The following SH3PXD2A variants were observed in gnomAD, a reference collection of about 807,000 sequenced individuals.
SH3PXD2A encodes the protein SH3 and PX domains 2A, also known as SH3 and PX domain-containing protein 2A.
In SH3PXD2A, 32 loss-of-function variants were observed where a neutral mutation model predicts 115.2. That is an observed-to-expected ratio of 0.28 (90% confidence interval 0.21 to 0.37). SH3PXD2A has a LOEUF of 0.37. SH3PXD2A is among the 10% of genes least tolerant of loss of function. The probability of loss-of-function intolerance (pLI) is 1.00; values close to 1 mark genes in which losing one functional copy is unlikely to be tolerated. For synonymous variants in SH3PXD2A, 610 were observed against 629.1 expected (o/e 0.97, Z 0.45); for missense variants, 1,328 against 1,498.7 (o/e 0.89, Z 1.88).
At chr10:103,682,542 G>A (rs1157380381) in intron 6 of SH3PXD2A, among the ~76,000 whole-genome samples, 4 of 152,204 alleles carry the variant, frequency 2.6e-5, no homozygotes. Flanking sequence ...TGGATCACAA[G>A]GTCAGGAGTT....
chr10:103,655,773 A>G (rs1487035307), intron 8 of SH3PXD2A, among the ~76,000 whole-genome samples: 2 of 77,090 alleles, frequency 2.6e-5, no homozygotes, highest in African/African-American at 4.8e-5. Context: ...ACCCTGTCTA[A>G]AAAAAAAAAA....
At chr10:103,777,699 C>T (rs773935700) in intron 2 of SH3PXD2A, among the ~76,000 whole-genome samples, 2 of 152,236 alleles carry the variant, frequency 1.3e-5, no homozygotes, top group African/African-American at 4.8e-5. Flanking sequence ...CCAGTGGCCT[C>T]ATTCCACAGA....
At chr10:103,830,689 G>C (rs985009820) in intron 1 of SH3PXD2A, among the ~76,000 whole-genome samples, 1 of 152,080 alleles carries the variant, frequency 6.6e-6, no homozygotes, top group Non-Finnish European at 1.5e-5. Context: ...CCACTTAAAT[G>C]GATCTTATAA....
At chr10:103,684,647 G>A (rs962465972) in intron 6 of SH3PXD2A, among the ~76,000 whole-genome samples, 10 of 152,132 alleles carry the variant, frequency 6.6e-5, no homozygotes, top group South Asian at 2.1e-4. Context: ...CACCACGCCC[G>A]GCCATAGACT....
At position 103,725,863 on chromosome 10, in the gene SH3PXD2A, TAAATAAAATA is replaced by T. The variant is rs1166979298; in HGVS notation, c.307-1512_307-1503del. 3.2e-3 allele frequency among the ~76,000 whole-genome samples: 485 copies of T among 151,414 alleles called. 1 individual carries two copies. The highest frequency in any genetic ancestry group is 5.1e-3 in the Admixed American group (78 of 15,240). On this transcript the variant is annotated intron_variant, in intron 4 of 14. Transcript: ENST00000369774. Reference sequence around the variant, plus strand: ...TAAATAAATAAAATAAAAATAAAAATAAATAAAATAAAATAAAACAAAATAAAATAAAAAG... The same window carrying T: ...TAAATAAATAAAATAAAAATAAAAATAAATAAAACAAAATAAAATAAAAAG...
At chr10:103,838,967 C>T (rs1038384549) in intron 1 of SH3PXD2A, among the ~76,000 whole-genome samples, 2 of 152,126 alleles carry the variant, frequency 1.3e-5, no homozygotes, top group African/African-American at 4.8e-5. Flanking sequence ...GCCCCAGCTG[C>T]CAGCCCACAG....
At chr10:103,816,094 A>G (rs1424442768) in intron 1 of SH3PXD2A, among the ~76,000 whole-genome samples, 2 of 152,240 alleles carry the variant, frequency 1.3e-5, no homozygotes, top group Non-Finnish European at 2.9e-5. Flanking sequence ...GAGGACTACC[A>G]TCACTAATAC....
chr10:103,773,240 A>G lies in SH3PXD2A; in HGVS notation c.154-6071T>C, dbSNP rs1366036213. ...ACTCTGTCTCAAAAAAAAAAAAAAA[A>G]AGAGAAAAAAAGAGACAAGGCCACC... On this transcript the variant is annotated intron_variant, in intron 2 of 14. Coordinates refer to ENST00000369774, the MANE Select transcript of SH3PXD2A (RefSeq NM_001394015.1). 6.3e-3 allele frequency among the ~76,000 whole-genome samples: 820 copies of G among 129,398 alleles called. 7 individuals carry two copies. Among genetic ancestry groups the G allele is most frequent in the African/African-American group, 0.019 (755 of 39,514 alleles). The allele number at this position is 129,398 out of a possible 152,430, so 84.9% of individuals were successfully genotyped here.
At position 103,601,819 on chromosome 10, in the gene SH3PXD2A, G is replaced by GTTC. The variant is rs774104121; in HGVS notation, c.3396_3398dup (p.Lys1132dup). On this transcript the variant is annotated inframe_insertion, in exon 15 of 15. Transcript: ENST00000369774. ...CTGGAAGAGCCCAGGCCCTCTGCTA[G>GTTC]TTCTTTTTCTCAAGGTAGTTGGAAG... 1.3e-6 allele frequency: 2 copies of GTTC among 1,597,724 alleles called. No individual in the cohort carries two copies. The highest frequency in any genetic ancestry group is 3.4e-5 in the Admixed American group (2 of 58,428).
chr10:103,824,748 G>C (rs779011275), intron 1 of SH3PXD2A, among the ~76,000 whole-genome samples: 4 of 152,174 alleles, frequency 2.6e-5, no homozygotes, highest in African/African-American at 4.8e-5. Context: ...ACCTTCACCT[G>C]TGTAGACCAG....
At chr10:103,730,038 G>A (rs190736146) in intron 4 of SH3PXD2A, among the ~76,000 whole-genome samples, 25 of 152,330 alleles carry the variant, frequency 1.6e-4, no homozygotes, top group Admixed American at 1.6e-3. Context: ...TGGCACAGGA[G>A]GGGGCCCCGG....
intron 1 of SH3PXD2A, among the ~76,000 whole-genome samples, chr10:103,820,778 A>C (rs10883916): frequency 6.6e-6 from 1 of 152,002 alleles, no homozygotes; most frequent in East Asian, 1.9e-4. Context: ...TGAGATGCCA[A>C]CTGGGCTCCA....
At chr10:103,606,475 C>A (rs1592258123) in intron 13 of SH3PXD2A, among the ~76,000 whole-genome samples, 1 of 149,030 alleles carries the variant, frequency 6.7e-6, no homozygotes. Context: ...CCCCCTCCCC[C>A]TCCCCTTCCC....
chr10:103,661,232 G>A (rs928976646), intron 7 of SH3PXD2A, 118 bp from the exon 8 acceptor site: 2 of 1,233,088 alleles, frequency 1.6e-6, no homozygotes, highest in African/African-American at 3.2e-5. Flanking sequence ...GCCGCTCCCA[G>A]GGGCAGCCCG....
rs1311621355 is a variant in SH3PXD2A at position 103,665,888 on chromosome 10, G to C, written c.472+2720C>G. On this transcript the variant is annotated intron_variant, in intron 7 of 14. Coordinates refer to ENST00000369774, the MANE Select transcript of SH3PXD2A (RefSeq NM_001394015.1). This position sits in a 1 kb window ranked among gnomAD's most constrained non-coding sequence, Gnocchi z 4.0. ...TTCTAGACAGCAGAGCCTCTCCTGGGTTGGAAGGGGCCTTTGCATGAGTCT... is the reference window on the plus strand; with the variant it reads ...TTCTAGACAGCAGAGCCTCTCCTGGCTTGGAAGGGGCCTTTGCATGAGTCT... Among the ~76,000 whole-genome samples the C allele has an allele frequency of 1.3e-5, 2 of 152,180 alleles. No individual in the cohort carries two copies. Among genetic ancestry groups the C allele is most frequent in the East Asian group, 1.9e-4 (1 of 5,194 alleles).
In SH3PXD2A at chr10:103,603,173, C is replaced by G; in HGVS notation, c.2045G>C (p.Gly682Ala). 1 of 1,613,972 alleles carries G rather than the reference C, an allele frequency of 6.2e-7. No homozygotes were observed. Among genetic ancestry groups the G allele is most frequent in the Non-Finnish European group, 8.5e-7 (1 of 1,180,038 alleles). ...KAEKNAQAEM[G>A]KNHSSASFSS... The stretch of plus-strand genomic sequence containing the variant: ...AAAGGAGGCTGAGGAGTGGTTCTTC[C>G]CCATTTCTGCCTGGGCATTCTTCTC... Residue 682 changes from glycine to alanine, a missense_variant, in exon 15 of 15, where the codon GGG (glycine) becomes GCG (alanine). By Grantham distance (60) the Gly-to-Ala change is moderately conservative. Coordinates refer to ENST00000369774, the MANE Select transcript of SH3PXD2A (RefSeq NM_001394015.1).
At chr10:103,723,779 C>T (rs2038209309) in intron 5 of SH3PXD2A, among the ~76,000 whole-genome samples, 1 of 152,136 alleles carries the variant, frequency 6.6e-6, no homozygotes, top group South Asian at 2.1e-4. Context: ...ATAAAAGATA[C>T]TGGGTAAATT....
chr10:103,821,928 A>C (rs2039385218), intron 1 of SH3PXD2A, among the ~76,000 whole-genome samples: 1 of 140,754 alleles, frequency 7.1e-6, no homozygotes, highest in Non-Finnish European at 1.6e-5. Flanking sequence ...TTTTGAGACA[A>C]AGTCTTGCTC....
intron 1 of SH3PXD2A, among the ~76,000 whole-genome samples, chr10:103,840,788 T>C (rs72819432): frequency 0.034 from 5,247 of 152,266 alleles, 126 homozygotes; most frequent in Non-Finnish European, 0.051. Flanking sequence ...ATTAAATGAG[T>C]GATGTGCTTA....
Sources: allele counts gnomAD v4.1 joint callset (sites outside exome capture counted in the v4.1 genomes callset), GRCh38; gene constraint gnomAD v4.1.1; non-coding constraint Gnocchi (gnomAD v3.1); transcripts MANE v1.5; gene names NCBI Gene and HGNC (gene_info 2026-07-23, HGNC 2026-07-21).